Variants in ASTL observed in about 807,000 individuals in gnomAD.
ASTL encodes astacin-like metalloendopeptidase.
ASTL carries 27 observed loss-of-function variants against 36.7 expected under a neutral mutation model. The observed-to-expected ratio is 0.73, with a 90% CI of 0.54 to 1.01. The LOEUF (loss-of-function observed/expected upper bound fraction) is 1.01. Ranked by LOEUF, ASTL falls within the 50% of genes least tolerant of loss-of-function variation. ASTL has a pLI of 0.00. For synonymous variants in ASTL, 222 were observed against 228.1 expected (o/e 0.97, Z 0.24); for missense variants, 524 against 572.8 (o/e 0.91, Z 0.87).
rs1483992061 is a variant in ASTL at position 96,123,500 on chromosome 2, G to T, written c.*350C>A. 3.3e-5 allele frequency among the ~76,000 whole-genome samples: 5 copies of T among 152,140 alleles called. No individual in the cohort carries two copies. Among genetic ancestry groups the T allele is most frequent in the African/African-American group, 1.2e-4 (5 of 41,416 alleles). On this transcript the variant is annotated 3_prime_UTR_variant, in exon 9 of 9. Transcript: ENST00000342380. ...GGGGGCAGGGCCTCAGGCACAGGAG[G>T]GATTCCAGGGTTCTGCGGGGCTGGA...
chr2:96,136,800 C>T (rs1001750706), intron 2 of ASTL, among the ~76,000 whole-genome samples: 1 of 152,198 alleles, frequency 6.6e-6, no homozygotes, highest in African/African-American at 2.4e-5. Flanking sequence ...GCTATTTATA[C>T]ACCCTCATTC....
At chr2:96,135,510 G>T in intron 2 of ASTL, 98 bp from the exon 3 acceptor site, 2 of 1,001,772 alleles carry the variant, frequency 2.0e-6, no homozygotes, top group Non-Finnish European at 3.0e-6. Flanking sequence ...CTATTCTTGT[G>T]TCTTTCCTAG....
intron 8 of ASTL, among the ~76,000 whole-genome samples, chr2:96,126,295 T>TAAAG (rs1682062188): frequency 6.6e-6 from 1 of 152,148 alleles, no homozygotes; most frequent in East Asian, 1.9e-4. Context: ...CTAGAATATA[T>TAAAG]AAAGAACTCT....
chr2:96,129,914 C>A lies in ASTL; in HGVS notation c.784G>T (p.Gly262Cys). The change falls in exon 8 of 9, where the codon GGC becomes TGC. Residue 262 changes from glycine (G) to cysteine (C), a missense_variant. Transcript: ENST00000342380. Reference protein sequence around the residue: ...TPLWAPSVHIGQRWNLSASDI... With the variant: ...TPLWAPSVHICQRWNLSASDI... ...GAGGCACTCAGGTTCCATCGCTGGCCGATGTGGACACTGGGGGCCCAAAGT... is the reference window on the plus strand; with the variant it reads ...GAGGCACTCAGGTTCCATCGCTGGCAGATGTGGACACTGGGGGCCCAAAGT... 1 of 1,606,354 alleles carries A rather than the reference C, an allele frequency of 6.2e-7. No homozygotes were observed. The highest frequency in any genetic ancestry group is 8.5e-7 in the Non-Finnish European group (1 of 1,174,464).
At position 96,124,075 on chromosome 2, in the gene ASTL, C is replaced by A; in HGVS notation, c.1071G>T (p.Glu357Asp). The A allele has an allele frequency of 6.2e-7, 1 of 1,613,244 alleles. No individual in the cohort carries two copies. ...ESPALKKLSA[E>D]ASARQPQTLA... is the part of the protein sequence containing the mutation. ...GGGTCTGAGGCTGCCTTGCCGAGGC[C>A]TCTGCACTGAGCTTTTTCAGGGCAG... The change falls in exon 9 of 9, where the codon GAG (glutamate) becomes GAT (aspartate). Residue 357 changes from glutamate to aspartate, a missense_variant. Glu to Asp is a conservative substitution (Grantham distance 45, BLOSUM62 2). Coordinates refer to ENST00000342380, the MANE Select transcript of ASTL (RefSeq NM_001002036.4). This position sits in a 1 kb window ranked among gnomAD's most constrained non-coding sequence, Gnocchi z 4.1.
rs1338934887 is a variant in ASTL, at chr2:96,124,098, C to T, written c.1048G>A (p.Ala350Thr). The T allele has an allele frequency of 6.2e-7, 1 of 1,607,154 alleles. No individual in the cohort carries two copies. The highest frequency in any genetic ancestry group is 1.7e-5 in the Admixed American group (1 of 59,594). Residue 350 changes from alanine (A) to threonine (T), a missense_variant, in exon 9 of 9, where the codon GCC becomes ACC. By Grantham distance (58) the Ala-to-Thr change is moderately conservative. Transcript: ENST00000342380. This position sits in a 1 kb window ranked among gnomAD's most constrained non-coding sequence, Gnocchi z 4.1. ...GCCTCTGCACTGAGCTTTTTCAGGGCAGGGGACTCCCACCCATGTGGGCTC... is the reference window on the plus strand; with the variant it reads ...GCCTCTGCACTGAGCTTTTTCAGGGTAGGGGACTCCCACCCATGTGGGCTC... ...GESPHGWESP[A>T]LKKLSAEASA...
intron 2 of ASTL, among the ~76,000 whole-genome samples, chr2:96,136,562 G>A (rs562455240): frequency 6.6e-6 from 1 of 152,332 alleles, no homozygotes; most frequent in East Asian, 1.9e-4. Flanking sequence ...TGATCCAGGG[G>A]TGGGATGGTG....
intron 2 of ASTL, 49 bp downstream of exon 2, chr2:96,137,521 CACACT>C: frequency 6.3e-7 from 1 of 1,579,964 alleles, no homozygotes; most frequent in Non-Finnish European, 8.7e-7. Context: ...GTGTGGTTTT[CACACT>C]ACATAACGTC....
In ASTL at chr2:96,132,951, C is replaced by A. The variant is rs2104773317; in HGVS notation, c.456-230G>T. ...ACCAGCCTGGGCTGCAGGGAGGCTG[C>A]AGAAACTGATATATGAACACAGAGG... On this transcript the variant is annotated intron_variant, in intron 5 of 8. Transcript: ENST00000342380. The surrounding 1 kb of genome is among the most constrained non-coding windows in gnomAD (Gnocchi z 5.4). Among the ~76,000 whole-genome samples, 1 of 152,322 alleles carries A rather than the reference C, an allele frequency of 6.6e-6. No homozygotes were observed. The highest frequency in any genetic ancestry group is 2.1e-4 in the South Asian group (1 of 4,830).
chr2:96,131,371 C>A (rs150563212), intron 6 of ASTL, among the ~76,000 whole-genome samples: 230 of 152,060 alleles, frequency 1.5e-3, no homozygotes, highest in African/African-American at 5.0e-3. Flanking sequence ...ATAGGAGAAG[C>A]TTTCGGTTTT....
chr2:96,123,516 C>A lies in ASTL; in HGVS notation c.*334G>T, dbSNP rs750358597. 1.3e-5 allele frequency among the ~76,000 whole-genome samples: 2 copies of A among 152,118 alleles called. No individual in the cohort carries two copies. The highest frequency in any genetic ancestry group is 4.8e-5 in the African/African-American group (2 of 41,398). On this transcript the variant is annotated 3_prime_UTR_variant, in exon 9 of 9. Coordinates refer to ENST00000342380, the MANE Select transcript of ASTL (RefSeq NM_001002036.4). ...GCACAGGAGGGATTCCAGGGTTCTG[C>A]GGGGCTGGAACCTACCTCTTCCCCA...
intron 2 of ASTL, among the ~76,000 whole-genome samples, chr2:96,135,632 A>C (rs554592335): frequency 6.6e-6 from 1 of 152,352 alleles, no homozygotes; most frequent in African/African-American, 2.4e-5. Flanking sequence ...AATGTCAGCC[A>C]CCCTGTGCGG....
rs371727585 is a variant in ASTL, at chr2:96,132,594, T to C, written c.583A>G (p.Thr195Ala). Reference sequence around the variant, plus strand: ...ATATAGCGGTCCCGGTCGGCCCGCGTGTGCTCGTGCCAGAAGCCCAGCACA... The same window carrying C: ...ATATAGCGGTCCCGGTCGGCCCGCGCGTGCTCGTGCCAGAAGCCCAGCACA... ...MHVLGFWHEH[T>A]RADRDRYIRV... Residue 195 changes from threonine to alanine, a missense_variant, in exon 6 of 9, where the codon ACG becomes GCG. Transcript: ENST00000342380. This position sits in a 1 kb window ranked among gnomAD's most constrained non-coding sequence, Gnocchi z 5.4. 6.8e-6 allele frequency: 11 copies of C among 1,612,622 alleles called. No homozygotes were observed. The highest frequency in any genetic ancestry group is 9.3e-6 in the Non-Finnish European group (11 of 1,179,060).
chr2:96,124,738 C>A lies in ASTL; in HGVS notation c.875-467G>T, dbSNP rs904492941. On this transcript the variant is annotated intron_variant, in intron 8 of 8. Transcript: ENST00000342380. This position sits in a 1 kb window ranked among gnomAD's most constrained non-coding sequence, Gnocchi z 4.1. The stretch of plus-strand genomic sequence containing the variant: ...GGCTTCCTTGTTCTTCACTGTCATG[C>A]CAGACTACAACTGTACCCCACCTCT... Among the ~76,000 whole-genome samples, 1 of 152,170 alleles carries A rather than the reference C, an allele frequency of 6.6e-6. No homozygotes were observed. The highest frequency in any genetic ancestry group is 2.4e-5 in the African/African-American group (1 of 41,412).
intron 6 of ASTL, among the ~76,000 whole-genome samples, chr2:96,130,408 C>T (rs945168375): frequency 2.0e-5 from 3 of 152,200 alleles, no homozygotes; most frequent in African/African-American, 7.2e-5. Flanking sequence ...ACCCATCCTT[C>T]CTCCTTGCAT....
intron 4 of ASTL, 167 bp downstream of exon 4, chr2:96,133,798 T>A (rs1682237193): frequency 3.0e-6 from 2 of 664,826 alleles, no homozygotes; most frequent in East Asian, 5.4e-5. Flanking sequence ...ATTTTAACCC[T>A]CCCTACTCAG....
chr2:96,138,518 A>C, upstream of ASTL: 1 of 1,202,890 alleles, frequency 8.3e-7, no homozygotes, highest in Non-Finnish European at 1.2e-6. Context: ...CGGCACCACC[A>C]CCCCCTCTTA....
chr2:96,137,755 C>T, intron 1 of ASTL, 55 bp from the exon 2 acceptor site: 2 of 1,568,610 alleles, frequency 1.3e-6, no homozygotes, highest in South Asian at 2.2e-5. Context: ...ACCGGTGAGA[C>T]CAGACAGCAG....
In ASTL at chr2:96,137,615, G is replaced by T; in HGVS notation, c.141C>A (p.Thr47=). 1.2e-6 allele frequency: 2 copies of T among 1,613,978 alleles called. No homozygotes were observed. The highest frequency in any genetic ancestry group is 1.7e-6 in the Non-Finnish European group (2 of 1,179,884). ...SFPDGLTPEG[T]QASGDKDIPA... The stretch of plus-strand genomic sequence containing the variant: ...GAATGTCCTTGTCCCCGGAGGCCTG[G>T]GTTCCCTCAGGGGTGAGGCCATCTG... Residue 47 remains threonine (T), a synonymous_variant, in exon 2 of 9, where the codon ACC becomes ACA. Coordinates refer to ENST00000342380, the MANE Select transcript of ASTL (RefSeq NM_001002036.4).
Sources: allele counts gnomAD v4.1 joint callset (sites outside exome capture counted in the v4.1 genomes callset), GRCh38; gene constraint gnomAD v4.1.1; non-coding constraint Gnocchi (gnomAD v3.1); transcripts MANE v1.5; gene names NCBI Gene and HGNC (gene_info 2026-07-23, HGNC 2026-07-21).